Variants in SCARB1 observed in about 807,000 individuals in gnomAD.
SCARB1 encodes the protein CD36 and LIMPII analogous 1.
SCARB1 carries 30 observed loss-of-function variants against 57.2 expected under a neutral mutation model. That is an observed-to-expected ratio of 0.52 (90% confidence interval 0.39 to 0.71). The LOEUF (loss-of-function observed/expected upper bound fraction) is 0.71, where lower values mean the gene tolerates loss of function less well. Ranked by LOEUF, SCARB1 falls within the 30% of genes least tolerant of loss-of-function variation. The pLI is 0.00. For synonymous variants in SCARB1, 249 were observed against 268.3 expected, an observed-to-expected ratio of 0.93 and a Z score of 0.70; for missense variants, 543 against 671.2, an observed-to-expected ratio of 0.81 and a Z score of 2.11.
At chr12:124,782,938 C>T in intron 11 of SCARB1, 127 bp from the exon 12 acceptor site, 2 of 929,924 alleles carry the variant, frequency 2.2e-6, no homozygotes, top group East Asian at 2.5e-5. Flanking sequence ...GTCCAACAAC[C>T]CTCAACGATT....
chr12:124,824,009 A>T lies in SCARB1; in HGVS notation c.127-6302T>A, dbSNP rs576633251. ...GTGAAACCCCGCCTCTATTAAAAAA[A>T]AAATATATACAAAAATTAGCTGGGC... On this transcript the variant is annotated intron_variant, in intron 1 of 12. Coordinates refer to ENST00000261693, the MANE Select transcript of SCARB1 (RefSeq NM_005505.5). 3.1e-3 allele frequency among the ~76,000 whole-genome samples: 466 copies of T among 149,808 alleles called. 3 individuals are homozygous for T. The highest frequency in any genetic ancestry group is 4.4e-3 in the Non-Finnish European group (299 of 67,850).
chr12:124,807,024 C>T lies in SCARB1; in HGVS notation c.1009+737G>A, dbSNP rs1950347433. 6.6e-6 allele frequency among the ~76,000 whole-genome samples: 1 copy of T among 151,970 alleles called. No homozygotes were observed. The highest frequency in any genetic ancestry group is 6.6e-5 in the Admixed American group (1 of 15,246). On this transcript the variant is annotated intron_variant, in intron 7 of 12. Transcript: ENST00000261693. This position sits in a 1 kb window ranked among gnomAD's most constrained non-coding sequence, Gnocchi z 5.3. ...GACCAGCCTGGGCAACATGGTGAAACCCCCATCTCTACCAAAAATACAAAA... is the reference window on the plus strand; with the variant it reads ...GACCAGCCTGGGCAACATGGTGAAATCCCCATCTCTACCAAAAATACAAAA...
chr12:124,845,716 A>G (rs746630933), intron 1 of SCARB1, among the ~76,000 whole-genome samples: 25 of 142,188 alleles, frequency 1.8e-4, no homozygotes, highest in East Asian at 2.1e-4. Flanking sequence ...AAAAAAAAAG[A>G]AATGTCCAGG....
intron 7 of SCARB1, among the ~76,000 whole-genome samples, chr12:124,804,524 T>C (rs1950257326): frequency 6.6e-6 from 1 of 152,172 alleles, no homozygotes; most frequent in Admixed American, 6.5e-5. Flanking sequence ...TTGCGACAGT[T>C]GCTGTAGCAC....
intron 1 of SCARB1, chr12:124,821,250 ACAC>A: frequency 3.2e-6 from 1 of 314,710 alleles, no homozygotes; most frequent in Non-Finnish European, 4.6e-6. Context: ...ACACACACAC[ACAC>A]ACACACGCAC....
At chr12:124,849,312 C>T (rs992498050) in intron 1 of SCARB1, among the ~76,000 whole-genome samples, 2 of 152,214 alleles carry the variant, frequency 1.3e-5, no homozygotes, top group African/African-American at 4.8e-5. Context: ...GGCAGCTCAT[C>T]CCTCCCACCC....
At chr12:124,851,127 G>A (rs963022587) in intron 1 of SCARB1, among the ~76,000 whole-genome samples, 32 of 152,230 alleles carry the variant, frequency 2.1e-4, no homozygotes, top group Admixed American at 1.8e-3. Flanking sequence ...GCCAGCCACT[G>A]AGAAAATTCT....
chr12:124,858,796 G>A (rs1952752154), intron 1 of SCARB1, among the ~76,000 whole-genome samples: 2 of 151,768 alleles, frequency 1.3e-5, no homozygotes, highest in African/African-American at 4.8e-5. Context: ...GGAGAATGGC[G>A]TGAACCCGGA....
chr12:124,841,000 C>T (rs915079441), intron 1 of SCARB1, among the ~76,000 whole-genome samples: 1 of 152,150 alleles, frequency 6.6e-6, no homozygotes, highest in African/African-American at 2.4e-5. Context: ...GAAACACCAT[C>T]TTTACGAAAA....
At chr12:124,832,680 T>C (rs956060008) in intron 1 of SCARB1, among the ~76,000 whole-genome samples, 1 of 152,324 alleles carries the variant, frequency 6.6e-6, no homozygotes, top group African/African-American at 2.4e-5. Flanking sequence ...TTCCAGAACA[T>C]TAAGGTCTTT....
intron 6 of SCARB1, among the ~76,000 whole-genome samples, chr12:124,808,781 A>G (rs1055983238): frequency 1.3e-5 from 2 of 152,174 alleles, no homozygotes; most frequent in Non-Finnish European, 2.9e-5. Context: ...GGTGAGTCCA[A>G]ATTGGGATGC....
chr12:124,802,451 C>G (rs942339529), intron 7 of SCARB1, among the ~76,000 whole-genome samples: 1 of 152,066 alleles, frequency 6.6e-6, no homozygotes, highest in African/African-American at 2.4e-5. Flanking sequence ...GTGTCCTCCA[C>G]AATCTGGAAA....
intron 1 of SCARB1, among the ~76,000 whole-genome samples, chr12:124,849,655 A>G (rs538740681): frequency 1.4e-4 from 22 of 152,324 alleles, no homozygotes; most frequent in Middle Eastern, 3.4e-3. Context: ...CCTTGAGTAA[A>G]CCTCTGCTAC....
rs776264280 is a variant in SCARB1, at chr12:124,796,027, G to A, written c.1129-759C>T. Reference sequence around the variant, plus strand: ...CTTACTCAGTCATCTAGGCTGGAGTGCAGGCAACCTCTGCCTCCTGAGTTC... The same window carrying A: ...CTTACTCAGTCATCTAGGCTGGAGTACAGGCAACCTCTGCCTCCTGAGTTC... On this transcript the variant is annotated intron_variant, in intron 8 of 12. Transcript: ENST00000261693. The surrounding 1 kb of genome is among the most constrained non-coding windows in gnomAD (Gnocchi z 4.0). Among the ~76,000 whole-genome samples the A allele has an allele frequency of 1.3e-5, 2 of 152,148 alleles. No individual in the cohort carries two copies. Among genetic ancestry groups the A allele is most frequent in the African/African-American group, 2.4e-5 (1 of 41,440 alleles).
chr12:124,835,653 A>G (rs1951621220), intron 1 of SCARB1, among the ~76,000 whole-genome samples: 1 of 152,146 alleles, frequency 6.6e-6, no homozygotes, highest in African/African-American at 2.4e-5. Context: ...AAAAAAACAC[A>G]AACTAGGTCT....
intron 1 of SCARB1, among the ~76,000 whole-genome samples, chr12:124,845,540 A>C (rs1213305733): frequency 6.8e-6 from 1 of 146,672 alleles, no homozygotes; most frequent in African/African-American, 2.5e-5. Flanking sequence ...AAAAATACAA[A>C]AAAAAAAAAA....
rs1949638740 is a variant in SCARB1, at chr12:124,789,341, A to C, written c.1203-1884T>G. On this transcript the variant is annotated intron_variant, in intron 9 of 12. Transcript: ENST00000261693. This position sits in a 1 kb window ranked among gnomAD's most constrained non-coding sequence, Gnocchi z 4.4. ...ACAAAATACCTGACCAGTGCTTCTC[A>C]AAAGTGTCACTGTCATCAAAATGAA... Among the ~76,000 whole-genome samples, 1 of 152,210 alleles carries C rather than the reference A, an allele frequency of 6.6e-6. No homozygotes were observed. The highest frequency in any genetic ancestry group is 2.4e-5 in the African/African-American group (1 of 41,454).
intron 1 of SCARB1, among the ~76,000 whole-genome samples, chr12:124,823,359 C>G (rs1477321078): frequency 1.3e-5 from 2 of 152,158 alleles, no homozygotes; most frequent in East Asian, 3.8e-4. Flanking sequence ...AGAAAATACA[C>G]AAATAGCCAA....
chr12:124,834,277 G>T (rs1395640871), intron 1 of SCARB1, among the ~76,000 whole-genome samples: 1 of 152,222 alleles, frequency 6.6e-6, no homozygotes, highest in Non-Finnish European at 1.5e-5. Flanking sequence ...CCACTCCAGG[G>T]TCCTCAGGTT....
Sources: allele counts gnomAD v4.1 joint callset (sites outside exome capture counted in the v4.1 genomes callset), GRCh38; gene constraint gnomAD v4.1.1; non-coding constraint Gnocchi (gnomAD v3.1); transcripts MANE v1.5; gene names NCBI Gene and HGNC (gene_info 2026-07-23, HGNC 2026-07-21).